The following CEMIP2 variants were observed in gnomAD, a reference collection of about 807,000 sequenced individuals.
CEMIP2 encodes cell surface hyaluronidase CEMIP2.
In CEMIP2, 79 loss-of-function variants were observed where a neutral mutation model predicts 146.9. That is an observed-to-expected ratio of 0.54 (90% CI 0.45 to 0.65). The LOEUF (loss-of-function observed/expected upper bound fraction) is 0.65. Among genes scored for constraint, CEMIP2 ranks in the 30% least tolerant of loss-of-function variants. CEMIP2 has a pLI of 0.00. For missense variants in CEMIP2, 1,596 were observed against 1,696.2 expected, an observed-to-expected ratio of 0.94 and a Z score of 1.04; for synonymous variants, 601 against 606.3, an observed-to-expected ratio of 0.99 and a Z score of 0.13.
At chr9:71,743,892 A>C (rs1296164985) in intron 4 of CEMIP2, among the ~76,000 whole-genome samples, 1 of 152,172 alleles carries the variant, frequency 6.6e-6, no homozygotes, top group Non-Finnish European at 1.5e-5. Context: ...CTATCAAAGG[A>C]AAAAATAGTA....
rs1491502000 is a variant in CEMIP2, at chr9:71,750,404, ATT to A, written c.-12-21_-12-20del. 1 of 1,505,420 alleles carries A rather than the reference ATT, an allele frequency of 6.6e-7. No individual in the cohort carries two copies. The highest frequency in any genetic ancestry group is 8.9e-7 in the Non-Finnish European group (1 of 1,118,740). The allele number at this position is 1,505,420 out of a possible 1,614,324, so 93.3% of individuals were successfully genotyped here. ...ACTGTTACTGTGAAAAGAAAAAAAA[ATT>A]AAGCTTCAGTATGTGTAAATTCTTT... On this transcript the variant is annotated intron_variant, in intron 1 of 23. Coordinates refer to ENST00000377044, the MANE Select transcript of CEMIP2 (RefSeq NM_013390.3).
At chr9:71,743,558 G>A (rs559422505) in intron 4 of CEMIP2, among the ~76,000 whole-genome samples, 17 of 152,240 alleles carry the variant, frequency 1.1e-4, no homozygotes, top group African/African-American at 3.4e-4. Flanking sequence ...TGCCTTTGGG[G>A]AGCCTGTACT....
chr9:71,764,560 C>T (rs1824731310), intron 1 of CEMIP2, among the ~76,000 whole-genome samples: 1 of 152,014 alleles, frequency 6.6e-6, no homozygotes. Context: ...TCTTTGAGGT[C>T]CCTTCAAGCG....
intron 12 of CEMIP2, among the ~76,000 whole-genome samples, chr9:71,721,591 C>T (rs906937183): frequency 2.6e-5 from 4 of 152,206 alleles, no homozygotes; most frequent in African/African-American, 9.6e-5. Flanking sequence ...ACCCTGAAGT[C>T]AGGCTCACCA....
At chr9:71,700,345 A>G (rs1822524307) in intron 19 of CEMIP2, among the ~76,000 whole-genome samples, 1 of 152,246 alleles carries the variant, frequency 6.6e-6, no homozygotes, top group Admixed American at 6.5e-5. Context: ...GAAGAACATT[A>G]TTATGGGAAA....
chr9:71,756,160 C>T (rs1011959463), intron 1 of CEMIP2, among the ~76,000 whole-genome samples: 1 of 133,124 alleles, frequency 7.5e-6, no homozygotes, highest in Non-Finnish European at 1.7e-5. Context: ...ATTTAGATCA[C>T]AAATTCCTGC....
At position 71,748,279 on chromosome 9, in the gene CEMIP2, T is replaced by A. The variant is rs74977658; in HGVS notation, c.331+1764A>T. On this transcript the variant is annotated intron_variant, in intron 2 of 23. Coordinates refer to ENST00000377044, the MANE Select transcript of CEMIP2 (RefSeq NM_013390.3). ...ATGCACTTAATGAGAAAATGTGTAG[T>A]CTGTACAAAGCACTGAAAAGTAGCT... is the stretch of plus-strand genomic sequence containing the variant. 1.6e-4 allele frequency among the ~76,000 whole-genome samples: 24 copies of A among 152,312 alleles called. No individual in the cohort carries two copies. In the East Asian group the frequency reaches 4.6e-3, roughly 29 times the overall value.
intron 6 of CEMIP2, 83 bp from the exon 7 acceptor site, chr9:71,732,603 C>T: frequency 6.1e-6 from 8 of 1,301,514 alleles, no homozygotes; most frequent in Non-Finnish European, 8.1e-6. Context: ...TCTCTTCATT[C>T]CATAACCCCA....
At chr9:71,747,184 T>C (rs1824115953) in intron 2 of CEMIP2, among the ~76,000 whole-genome samples, 1 of 152,096 alleles carries the variant, frequency 6.6e-6, no homozygotes, top group Non-Finnish European at 1.5e-5. Context: ...AAATCACGCC[T>C]TCAATTTTGA....
chr9:71,725,778 C>A (rs1436933623), intron 10 of CEMIP2, 69 bp from the exon 11 acceptor site: 7 of 1,487,722 alleles, frequency 4.7e-6, no homozygotes, highest in Non-Finnish European at 5.4e-6. Flanking sequence ...CTCTCATAAA[C>A]TAACTTCTTC....
At chr9:71,685,897 G>A (rs1470505518) in intron 22 of CEMIP2, 51 bp from the exon 23 acceptor site, 1 of 1,296,296 alleles carries the variant, frequency 7.7e-7, no homozygotes, top group Non-Finnish European at 1.1e-6. Flanking sequence ...TTCAGCATGA[G>A]TATCTTTCTA....
chr9:71,725,837 C>T, intron 10 of CEMIP2, 128 bp from the exon 11 acceptor site: 1 of 1,029,118 alleles, frequency 9.7e-7, no homozygotes, highest in Non-Finnish European at 1.4e-6. Context: ...ATTGCAGGTT[C>T]AGAATTGACA....
At chr9:71,721,920 A>G (rs997858552) in intron 12 of CEMIP2, among the ~76,000 whole-genome samples, 1 of 152,218 alleles carries the variant, frequency 6.6e-6, no homozygotes, top group Admixed American at 6.5e-5. Flanking sequence ...AAAGTAACCT[A>G]GAGCCTGGCT....
chr9:71,763,874 G>C (rs1479545769), intron 1 of CEMIP2, among the ~76,000 whole-genome samples: 1 of 152,192 alleles, frequency 6.6e-6, no homozygotes, highest in African/African-American at 2.4e-5. Context: ...ATTTATCTCT[G>C]TATTGCTCAC....
At chr9:71,752,470 A>AAGGG (rs1824282852) in intron 1 of CEMIP2, among the ~76,000 whole-genome samples, 1 of 79,952 alleles carries the variant, frequency 1.3e-5, no homozygotes, top group Non-Finnish European at 2.6e-5. Flanking sequence ...GGAAGGAAGG[A>AAGGG]AGGAAGGAAG....
intron 3 of CEMIP2, among the ~76,000 whole-genome samples, chr9:71,745,821 T>A (rs553896200): frequency 1.4e-4 from 22 of 152,348 alleles, no homozygotes; most frequent in Admixed American, 1.3e-3. Flanking sequence ...CTTAAAAATA[T>A]CTAAGAGTCT....
chr9:71,711,662 T>C (rs1285257811), intron 16 of CEMIP2, among the ~76,000 whole-genome samples: 1 of 152,154 alleles, frequency 6.6e-6, no homozygotes, highest in Non-Finnish European at 1.5e-5. Context: ...TTCTGCTTTA[T>C]TCACAACCTC....
Position 71,689,585 on chromosome 9 carries a change from G to A in CEMIP2, c.3851+507C>T, listed in dbSNP as rs146775588. Among the ~76,000 whole-genome samples the A allele has an allele frequency of 3.3e-5, 5 of 152,292 alleles. No individual in the cohort carries two copies. The East Asian group carries it at 9.6e-4, about 29-fold the overall frequency. ...TACTCTTTTCCAGTCATTTCCAAGT[G>A]ACCCAGGTGATGACTTCCTGTATCA... On this transcript the variant is annotated intron_variant, in intron 22 of 23. Coordinates refer to ENST00000377044, the MANE Select transcript of CEMIP2 (RefSeq NM_013390.3).
chr9:71,734,221 T>TTTTA (rs1823701472), intron 6 of CEMIP2, among the ~76,000 whole-genome samples: 1 of 150,718 alleles, frequency 6.6e-6, no homozygotes, highest in South Asian at 2.1e-4. Flanking sequence ...TTTGTTTTTG[T>TTTTA]TTTTGGTAAT....
Sources: allele counts gnomAD v4.1 joint callset (sites outside exome capture counted in the v4.1 genomes callset), GRCh38; gene constraint gnomAD v4.1.1; transcripts MANE v1.5; gene names NCBI Gene and HGNC (gene_info 2026-07-23, HGNC 2026-07-21).